Variants in SYNE2 observed in about 807,000 individuals in gnomAD.
The protein encoded by SYNE2 is nesprin-2.
A neutral mutation model predicts 856.3 loss-of-function variants in SYNE2; 431 were observed. The ratio of observed to expected loss-of-function variants is 0.50; its 90% CI spans 0.47 to 0.55. The LOEUF (loss-of-function observed/expected upper bound fraction) is 0.55, where lower values mean the gene tolerates loss of function less well. Ranked by LOEUF, SYNE2 falls within the 20% of genes least tolerant of loss-of-function variation. The probability of loss-of-function intolerance (pLI) is 0.00; values close to 1 mark genes in which losing one functional copy is unlikely to be tolerated. For missense variants in SYNE2, 8,129 were observed against 8,023.2 expected, an observed-to-expected ratio of 1.01 and a Z score of -0.50; for synonymous variants, 2,923 against 2,872.3, an observed-to-expected ratio of 1.02 and a Z score of -0.56.
At chr14:64,004,825 C>T (rs1412189054) in intron 30 of SYNE2, among the ~76,000 whole-genome samples, 5 of 152,252 alleles carry the variant, frequency 3.3e-5, no homozygotes, top group East Asian at 3.9e-4. Context: ...CCACGGCATG[C>T]GATTGCACCA....
chr14:64,031,055 A>G lies in SYNE2; in HGVS notation c.6919A>G (p.Lys2307Glu). 1 of 1,614,068 alleles carries G rather than the reference A, an allele frequency of 6.2e-7. No individual in the cohort carries two copies. Among genetic ancestry groups the G allele is most frequent in the Non-Finnish European group, 8.5e-7 (1 of 1,179,976 alleles). The change falls in exon 45 of 116, where the codon AAG (lysine) becomes GAG (glutamate). Residue 2307 changes from lysine (K) to glutamate (E), a missense_variant. Lys to Glu is a moderately conservative substitution (Grantham distance 56). Around this residue, in one of 3 missense-constraint regions of SYNE2, gnomAD observed 297 missense variants for 380.9 expected, o/e 0.78. Transcript: ENST00000555002. ...ACTCAGTTTACAAGATGGCACATTA[A>G]AGAAGATTTTAGCTTTAGCAAAATC... Reference protein sequence around the residue: ...NRLSLQDGTLKKILALAKSVK... With the variant: ...NRLSLQDGTLEKILALAKSVK...
Position 63,990,760 on chromosome 14 carries a change from A to G in SYNE2, c.2473-182A>G, listed in dbSNP as rs144395990. Reference sequence around the variant, plus strand: ...ATAAGTATCATAAGTATCATAGTATATAAGTATCAATTTGGATAGATATCT... The same window carrying G: ...ATAAGTATCATAAGTATCATAGTATGTAAGTATCAATTTGGATAGATATCT... On this transcript the variant is annotated intron_variant, in intron 20 of 115. Coordinates refer to ENST00000555002, the MANE Select transcript of SYNE2 (RefSeq NM_182914.3). Among the ~76,000 whole-genome samples, 162 of 152,346 alleles carry G rather than the reference A, an allele frequency of 1.1e-3. 3 individuals are homozygous for G. In the East Asian group the frequency reaches 0.015, roughly 14 times the overall value.
Position 64,219,366 on chromosome 14 carries a change from C to G in SYNE2, c.19816C>G (p.Pro6606Ala). The G allele has an allele frequency of 6.2e-7, 1 of 1,614,074 alleles. No individual in the cohort carries two copies. The change falls in exon 110 of 116, where the codon CCC becomes GCC. Residue 6606 changes from proline to alanine, a missense_variant. Coordinates refer to ENST00000555002, the MANE Select transcript of SYNE2 (RefSeq NM_182914.3). ...ELEMLKMAKP[P>A]SDIQEIELRV... ...GGAAATGTTAAAGATGGCAAAGCCT[C>G]CCTCTGATATCCAGGAAATAGAACT... is the stretch of plus-strand genomic sequence containing the variant.
At chr14:64,092,079 A>G (rs1243823948) in intron 60 of SYNE2, among the ~76,000 whole-genome samples, 6 of 152,126 alleles carry the variant, frequency 3.9e-5, no homozygotes, top group Non-Finnish European at 7.4e-5. Flanking sequence ...TCTAGCACTC[A>G]ATGTACTACC....
chr14:63,921,588 A>G (rs938574018), intron 2 of SYNE2, among the ~76,000 whole-genome samples: 1 of 152,240 alleles, frequency 6.6e-6, no homozygotes, highest in Non-Finnish European at 1.5e-5. Flanking sequence ...AAACAGTGTC[A>G]GAAGTTTTAA....
At chr14:63,926,384 C>T (rs2095666171) in intron 2 of SYNE2, among the ~76,000 whole-genome samples, 1 of 152,108 alleles carries the variant, frequency 6.6e-6, no homozygotes, top group African/African-American at 2.4e-5. Flanking sequence ...CAAGATTCAG[C>T]CATATTTATT....
chr14:64,223,116 A>G (rs1159523095), intron 112 of SYNE2, 73 bp from the exon 113 acceptor site: 2 of 1,563,880 alleles, frequency 1.3e-6, no homozygotes, highest in Non-Finnish European at 8.8e-7. Context: ...TCTGGTACTG[A>G]GAAAAACCTC....
intron 1 of SYNE2, among the ~76,000 whole-genome samples, chr14:63,856,347 G>A (rs567311064): frequency 6.6e-6 from 1 of 152,332 alleles, no homozygotes; most frequent in African/African-American, 2.4e-5. Flanking sequence ...AGAATACAAA[G>A]CCAGGCTCGC....
intron 103 of SYNE2, among the ~76,000 whole-genome samples, chr14:64,210,830 T>A (rs935739629): frequency 3.9e-5 from 6 of 152,098 alleles, no homozygotes; most frequent in Non-Finnish European, 2.9e-5. Context: ...TTTCTTTTCT[T>A]CCTTTCTTTT....
At position 64,030,996 on chromosome 14, in the gene SYNE2, A is replaced by C. The variant is rs775609823; in HGVS notation, c.6880-20A>C. On this transcript the variant is annotated intron_variant, in intron 44 of 115. Coordinates refer to ENST00000555002, the MANE Select transcript of SYNE2 (RefSeq NM_182914.3). ...TGTGGCAATTGAATGGAGATATAAC[A>C]ATCTTTTCTCCACTCGTAGGAACTA... 3 of 1,572,172 alleles carry C rather than the reference A, an allele frequency of 1.9e-6. No homozygotes were observed. The highest frequency in any genetic ancestry group is 3.3e-5 in the Admixed American group (2 of 59,938).
intron 70 of SYNE2, among the ~76,000 whole-genome samples, chr14:64,123,095 G>A (rs1455375663): frequency 8.2e-5 from 12 of 146,802 alleles, no homozygotes; most frequent in Non-Finnish European, 1.2e-4. Flanking sequence ...GTGAAACTGC[G>A]TCTCAAAAAA....
Position 64,137,948 on chromosome 14 carries a change from C to G in SYNE2, c.14808C>G (p.Leu4936=). The G allele has an allele frequency of 1.9e-6, 3 of 1,614,094 alleles. No homozygotes were observed. Among genetic ancestry groups the G allele is most frequent in the Non-Finnish European group, 2.5e-6 (3 of 1,179,996 alleles). Residue 4936 remains leucine, a synonymous_variant, in exon 79 of 116, where the codon CTC becomes CTG. Coordinates refer to ENST00000555002, the MANE Select transcript of SYNE2 (RefSeq NM_182914.3). ...TGAACAAGAAAATTGACCATGAGCT[C>G]CACAGGCTGCAAGCTCTTCTCAAGC... ...LSLNKKIDHE[L]HRLQALLKHL...
At chr14:64,103,619 T>C (rs1483399469) in intron 64 of SYNE2, among the ~76,000 whole-genome samples, 1 of 152,168 alleles carries the variant, frequency 6.6e-6, no homozygotes, top group African/African-American at 2.4e-5. Flanking sequence ...TCCTTAATCA[T>C]TGGCGCCATT....
In SYNE2 at chr14:63,880,484, A is replaced by G. The variant is rs759621610; in HGVS notation, c.-52+27341A>G. ...CTGTAAGACTTTGAATAAGAATTCTATGTTAAGAAAAAAAGAATTCTATGT... is the reference window on the plus strand; with the variant it reads ...CTGTAAGACTTTGAATAAGAATTCTGTGTTAAGAAAAAAAGAATTCTATGT... On this transcript the variant is annotated intron_variant, in intron 1 of 115. Transcript: ENST00000555002. Among the ~76,000 whole-genome samples the G allele has an allele frequency of 2.6e-5, 4 of 151,524 alleles. No individual in the cohort carries two copies. The East Asian group carries it at 5.8e-4, about 22-fold the overall frequency.
chr14:64,164,910 CAG>C (rs1243226614), intron 89 of SYNE2, among the ~76,000 whole-genome samples: 1 of 151,592 alleles, frequency 6.6e-6, no homozygotes, highest in Non-Finnish European at 1.5e-5. Context: ...GACAGGGAGA[CAG>C]GGTCTTATTC....
intron 1 of SYNE2, among the ~76,000 whole-genome samples, chr14:63,796,127 G>C (rs1887906267): frequency 6.6e-6 from 1 of 152,214 alleles, no homozygotes; most frequent in African/African-American, 2.4e-5. Flanking sequence ...TTTGGTTCCA[G>C]TGGCCATTCT....
At chr14:63,976,500 T>A in intron 11 of SYNE2, 63 bp from the exon 12 acceptor site, 1 of 1,547,068 alleles carries the variant, frequency 6.5e-7, no homozygotes, top group East Asian at 2.2e-5. Flanking sequence ...ATACTGTATG[T>A]GAAGAAATAA....
At chr14:64,063,759 T>C (rs1022055804) in intron 50 of SYNE2, among the ~76,000 whole-genome samples, 1 of 152,170 alleles carries the variant, frequency 6.6e-6, no homozygotes, top group African/African-American at 2.4e-5. Context: ...GTGGTTGATA[T>C]AGGAAGTATT....
At position 63,948,166 on chromosome 14, in the gene SYNE2, TAC is replaced by T. The variant is rs59063086; in HGVS notation, c.409-1628_409-1627del. Reference sequence around the variant, plus strand: ...GCACATACACACACAGACACACACATACACACACACACACACACACACACACA... The same window carrying T: ...GCACATACACACACAGACACACACATACACACACACACACACACACACACA... On this transcript the variant is annotated intron_variant, in intron 6 of 115. Transcript: ENST00000555002. Among the ~76,000 whole-genome samples the T allele has an allele frequency of 4.5e-3, 659 of 147,234 alleles. 3 individuals are homozygous for T. Among genetic ancestry groups the T allele is most frequent in the African/African-American group, 0.011 (418 of 39,140 alleles).
Sources: allele counts gnomAD v4.1 joint callset (sites outside exome capture counted in the v4.1 genomes callset), GRCh38; gene constraint gnomAD v4.1.1; regional missense constraint gnomAD v4.1.1; transcripts MANE v1.5; gene names NCBI Gene and HGNC (gene_info 2026-07-23, HGNC 2026-07-21).